The following SMG9 variants were observed in gnomAD, a reference collection of about 807,000 sequenced individuals.
SMG9 encodes SMG9 nonsense mediated mRNA decay factor, also known as nonsense-mediated mRNA decay factor SMG9.
SMG9 carries 55 observed loss-of-function variants against 64.0 expected under a neutral mutation model. The ratio of observed to expected loss-of-function variants is 0.86; its 90% CI spans 0.69 to 1.08. SMG9 has a LOEUF of 1.08. SMG9 is among the 50% of genes least tolerant of loss of function. SMG9 has a pLI of 0.00. For missense variants in SMG9, 554 were observed against 681.3 expected (o/e 0.81, Z 2.08); for synonymous variants, 244 against 254.8 (o/e 0.96, Z 0.41).
At chr19:43,740,479 C>A (rs554014379) in intron 6 of SMG9, among the ~76,000 whole-genome samples, 1 of 152,084 alleles carries the variant, frequency 6.6e-6, no homozygotes, top group Admixed American at 6.6e-5. Flanking sequence ...GCAGAGACTC[C>A]GCCAGTCTGC....
chr19:43,740,992 C>G (rs549340383), intron 6 of SMG9, among the ~76,000 whole-genome samples: 245 of 152,302 alleles, frequency 1.6e-3, no homozygotes, highest in African/African-American at 5.1e-3. Flanking sequence ...TATCTCCCCT[C>G]AAGATGCATA....
intron 6 of SMG9, among the ~76,000 whole-genome samples, chr19:43,743,308 C>A (rs1353543786): frequency 6.6e-6 from 1 of 152,112 alleles, no homozygotes; most frequent in Non-Finnish European, 1.5e-5. Flanking sequence ...CAAAATGGAA[C>A]CAAACTGAGT....
In SMG9 at chr19:43,731,494, C is replaced by T; in HGVS notation, c.*102G>A. 1 of 1,560,334 alleles carries T rather than the reference C, an allele frequency of 6.4e-7. No individual in the cohort carries two copies. Among genetic ancestry groups the T allele is most frequent in the Non-Finnish European group, 8.7e-7 (1 of 1,150,988 alleles). On this transcript the variant is annotated 3_prime_UTR_variant, in exon 14 of 14. Transcript: ENST00000270066. ...AAGCCACGATCCCTCATCCATCAGG[C>T]CTGCTGCCGCTCTCCACCCCAGCGG...
chr19:43,746,024 C>T (rs960773243), intron 5 of SMG9, among the ~76,000 whole-genome samples: 13 of 151,328 alleles, frequency 8.6e-5, no homozygotes, highest in Admixed American at 5.3e-4. Flanking sequence ...AAAAAAACAA[C>T]TATCTGCGCG....
At chr19:43,752,169 G>A (rs180835616) in intron 1 of SMG9, among the ~76,000 whole-genome samples, 10 of 152,284 alleles carry the variant, frequency 6.6e-5, no homozygotes, top group Admixed American at 2.0e-4. Context: ...TCTGTCTTCC[G>A]TTCCTGACGG....
intron 6 of SMG9, among the ~76,000 whole-genome samples, chr19:43,742,393 GCCA>G (rs869032827): frequency 6.6e-6 from 1 of 152,300 alleles, no homozygotes; most frequent in African/African-American, 2.4e-5. Context: ...CCATGATCAG[GCCA>G]CTACACTCCA....
chr19:43,741,189 C>A (rs767617747), intron 6 of SMG9, among the ~76,000 whole-genome samples: 2 of 152,194 alleles, frequency 1.3e-5, no homozygotes, highest in Non-Finnish European at 2.9e-5. Context: ...AAGAGGCGTG[C>A]AGTGCTCCAA....
intron 10 of SMG9, 144 bp downstream of exon 10, chr19:43,734,245 G>A: frequency 1.6e-6 from 1 of 642,218 alleles, no homozygotes; most frequent in South Asian, 1.9e-5. Context: ...AATCCTTTTT[G>A]ACTTTGCTCC....
chr19:43,731,734 C>G, intron 13 of SMG9, 60 bp from the exon 14 acceptor site: 13 of 1,607,314 alleles, frequency 8.1e-6, no homozygotes, highest in Non-Finnish European at 1.1e-5. Flanking sequence ...CCAGCACCAA[C>G]CCGGGACAGG....
In SMG9 at chr19:43,747,907, TA is replaced by T. The variant is rs550174540; in HGVS notation, c.226-11del. On this transcript the variant is annotated splice_polypyrimidine_tract_variant and intron_variant, in intron 3 of 13. Transcript: ENST00000270066. ...GTGGTGGCTGTTTTGACTACGGAGG[TA>T]AAAAAAATCCCATCAATGGGGGCAA... The T allele has an allele frequency of 4.3e-6, 7 of 1,611,788 alleles. No individual in the cohort carries two copies. The highest frequency in any genetic ancestry group is 3.3e-5 in the Admixed American group (2 of 59,718).
chr19:43,739,161 G>A (rs1968767071), intron 7 of SMG9, among the ~76,000 whole-genome samples: 1 of 152,096 alleles, frequency 6.6e-6, no homozygotes, highest in Admixed American at 6.5e-5. Context: ...GAGGGCTTCT[G>A]AGAGGAGGCC....
intron 5 of SMG9, among the ~76,000 whole-genome samples, chr19:43,746,306 C>A (rs1969001804): frequency 6.6e-6 from 1 of 152,178 alleles, no homozygotes; most frequent in Non-Finnish European, 1.5e-5. Context: ...TAAGCTTAAA[C>A]AACATTAAAA....
chr19:43,750,190 CCA>C lies in SMG9; in HGVS notation c.150+400_150+401del, dbSNP rs202098094. 1,993 of 525,686 alleles carry C rather than the reference CCA, an allele frequency of 3.8e-3. 20 individuals are homozygous for C. Among genetic ancestry groups the C allele is most frequent in the African/African-American group, 0.028 (1,475 of 52,302 alleles). The allele number at this position is 525,686 out of a possible 1,614,324, so 32.6% of individuals were successfully genotyped here. On this transcript the variant is annotated intron_variant, in intron 2 of 13. Coordinates refer to ENST00000270066, the MANE Select transcript of SMG9 (RefSeq NM_019108.4). ...CTACCAGGTCCTACATGATTTGGCC[CCA>C]GTTACTTGACTTCATCTCCTATCTC...
At chr19:43,733,509 A>G in intron 11 of SMG9, 57 bp from the exon 12 acceptor site, 1 of 1,611,636 alleles carries the variant, frequency 6.2e-7, no homozygotes, top group South Asian at 1.1e-5. Context: ...GGGGAGTGGG[A>G]ATTGTTGACA....
At chr19:43,753,227 T>C (rs1036261628) in intron 1 of SMG9, among the ~76,000 whole-genome samples, 1 of 152,114 alleles carries the variant, frequency 6.6e-6, no homozygotes, top group African/African-American at 2.4e-5. Context: ...AAATGACTCA[T>C]TCCATACCGA....
In SMG9 at chr19:43,731,224, T is replaced by C. The variant is rs891236917; in HGVS notation, c.*372A>G. Reference sequence around the variant, plus strand: ...GAGCTCTCCAGACCCTGCCTCACCTTACAGGGAAGGGCTTAGAGTCAGGGA... The same window carrying C: ...GAGCTCTCCAGACCCTGCCTCACCTCACAGGGAAGGGCTTAGAGTCAGGGA... On this transcript the variant is annotated 3_prime_UTR_variant, in exon 14 of 14. Coordinates refer to ENST00000270066, the MANE Select transcript of SMG9 (RefSeq NM_019108.4). 4 of 1,050,194 alleles carry C rather than the reference T, an allele frequency of 3.8e-6. No individual in the cohort carries two copies. The Admixed American group carries it at 1.6e-4, about 41-fold the overall frequency. 65.1% of individuals were successfully genotyped at this position (1,050,194 alleles called of 1,614,324 possible).
chr19:43,733,971 T>C (rs1177798622), intron 10 of SMG9: 1 of 576,644 alleles, frequency 1.7e-6, no homozygotes, highest in Non-Finnish European at 3.1e-6. Context: ...GATCATAAAA[T>C]GAACTGGGTC....
intron 2 of SMG9, chr19:43,750,051 G>A (rs1218283562): frequency 2.2e-6 from 1 of 458,882 alleles, no homozygotes; most frequent in East Asian, 6.0e-5. Context: ...AGTAAAAAGA[G>A]TAACAGTTGT....
chr19:43,746,146 C>T (rs1968997834), intron 5 of SMG9, among the ~76,000 whole-genome samples: 1 of 152,224 alleles, frequency 6.6e-6, no homozygotes, highest in Non-Finnish European at 1.5e-5. Flanking sequence ...GCACTCCAGC[C>T]TAGGCAACAG....
Sources: gnomAD v4.1 joint callset for allele counts (sites outside exome capture counted in the v4.1 genomes callset) on GRCh38, gnomAD v4.1.1 for gene constraint, MANE v1.5 for transcripts, NCBI Gene and HGNC (gene_info 2026-07-23, HGNC 2026-07-21) for gene names.